RBFOX1: variants seen among roughly 807,000 people sequenced by gnomAD.
RBFOX1 encodes RNA binding fox-1 homolog 1.
A neutral mutation model predicts 57.7 loss-of-function variants in RBFOX1; 8 were observed. The observed-to-expected ratio is 0.14, with a 90% CI of 0.08 to 0.25. The LOEUF (loss-of-function observed/expected upper bound fraction) is 0.25, where lower values mean the gene tolerates loss of function less well. Among genes scored for constraint, RBFOX1 ranks in the 10% least tolerant of loss-of-function variants. The probability of loss-of-function intolerance (pLI) is 1.00; values close to 1 mark genes in which losing one functional copy is unlikely to be tolerated. For synonymous variants in RBFOX1, 326 were observed against 222.4 expected (o/e 1.47, Z -4.15); for missense variants, 611 against 548.5 (o/e 1.11, Z -1.14).
intron 3 of RBFOX1, among the ~76,000 whole-genome samples, chr16:6,667,791 A>C (rs1057344213): frequency 6.6e-6 from 1 of 152,198 alleles, no homozygotes; most frequent in East Asian, 1.9e-4. Flanking sequence ...CAAATGGCTT[A>C]AGGAGAAGGA....
intron 2 of RBFOX1, among the ~76,000 whole-genome samples, chr16:6,639,199 C>T (rs866707721): frequency 1.5e-4 from 23 of 152,324 alleles, no homozygotes; most frequent in South Asian, 2.1e-4. Context: ...AGCTGTGCTG[C>T]GCCTTCTTTA....
chr16:7,540,138 C>T (rs1301661035), intron 5 of RBFOX1, among the ~76,000 whole-genome samples: 1 of 152,224 alleles, frequency 6.6e-6, no homozygotes, highest in Non-Finnish European at 1.5e-5. Context: ...CCCGTCTCCT[C>T]CTTTCAAAGG....
At chr16:5,850,851 G>C (rs1392795791) in intron 3 of RBFOX1, among the ~76,000 whole-genome samples, 1 of 152,228 alleles carries the variant, frequency 6.6e-6, no homozygotes, top group African/African-American at 2.4e-5. Context: ...TGCAGGCAGG[G>C]AGACAGGCAG....
chr16:7,049,417 A>C (rs2049167528), intron 3 of RBFOX1, among the ~76,000 whole-genome samples: 1 of 152,048 alleles, frequency 6.6e-6, no homozygotes, highest in African/African-American at 2.4e-5. Flanking sequence ...TTGCCTGGAG[A>C]CTGCAGCATA....
chr16:6,079,401 T>G (rs753910214), intron 1 of RBFOX1, among the ~76,000 whole-genome samples: 4 of 152,218 alleles, frequency 2.6e-5, no homozygotes, highest in Non-Finnish European at 5.9e-5. Flanking sequence ...AGCCTTGACC[T>G]CCTGGCCTCA....
intron 4 of RBFOX1, among the ~76,000 whole-genome samples, chr16:6,007,454 C>G (rs950182686): frequency 1.3e-5 from 2 of 152,292 alleles, no homozygotes; most frequent in Admixed American, 1.3e-4. Flanking sequence ...TCAGTCAGGT[C>G]TTGAGATGAA....
At chr16:5,403,271 G>C (rs9929040) in intron 1 of RBFOX1, among the ~76,000 whole-genome samples, 52 of 150,152 alleles carry the variant, frequency 3.5e-4, no homozygotes, top group African/African-American at 1.2e-3. Context: ...AATCGCTTGA[G>C]CCTGGGAGGT....
downstream of RBFOX1, chr16:5,601,591 A>G (rs9934807): frequency 0.18 from 28,133 of 152,118 alleles, 2,914 homozygotes; most frequent in South Asian, 0.23. Flanking sequence ...GAGTTTGGCT[A>G]CCACACTCTT....
At chr16:6,156,172 A>G (rs572743044) in intron 1 of RBFOX1, among the ~76,000 whole-genome samples, 1 of 152,238 alleles carries the variant, frequency 6.6e-6, no homozygotes, top group Non-Finnish European at 1.5e-5. Context: ...GTGTCCCTTT[A>G]TGTTTTTCCT....
intron 3 of RBFOX1, among the ~76,000 whole-genome samples, chr16:5,799,332 G>C (rs746444294): frequency 1.3e-5 from 2 of 152,098 alleles, no homozygotes; most frequent in African/African-American, 2.4e-5. Flanking sequence ...TGAGATTTGG[G>C]TGGGGACATA....
chr16:6,463,636 G>C (rs1490724841), intron 2 of RBFOX1, among the ~76,000 whole-genome samples: 2 of 152,158 alleles, frequency 1.3e-5, no homozygotes, highest in Non-Finnish European at 2.9e-5. Context: ...ACTGAATTCA[G>C]AAGCTCAACC....
chr16:5,268,902 C>G (rs976077435), intron 1 of RBFOX1, among the ~76,000 whole-genome samples: 1 of 149,178 alleles, frequency 6.7e-6, no homozygotes, highest in South Asian at 2.1e-4. Context: ...CTAACCAACA[C>G]TTGTTATTTT....
intron 3 of RBFOX1, among the ~76,000 whole-genome samples, chr16:5,687,189 G>T (rs2050530745): frequency 6.6e-6 from 1 of 152,130 alleles, no homozygotes; most frequent in Non-Finnish European, 1.5e-5. Context: ...CAGTGGAATA[G>T]GGGGAGACAA....
At chr16:5,684,684 C>T (rs72765144) in intron 3 of RBFOX1, among the ~76,000 whole-genome samples, 6,365 of 152,264 alleles carry the variant, frequency 0.042, 173 homozygotes, top group South Asian at 0.087. Flanking sequence ...GCTTCTCCCT[C>T]AGCAGGGAGC....
chr16:7,272,092 C>T (rs376364078), intron 4 of RBFOX1, among the ~76,000 whole-genome samples: 3 of 152,122 alleles, frequency 2.0e-5, no homozygotes, highest in Non-Finnish European at 2.9e-5. Flanking sequence ...CCATTGTCGG[C>T]GTTTGTAAGA....
intron 3 of RBFOX1, among the ~76,000 whole-genome samples, chr16:6,966,277 T>A (rs1451683365): frequency 6.6e-6 from 1 of 152,106 alleles, no homozygotes; most frequent in Non-Finnish European, 1.5e-5. Context: ...TCCCGTTGAC[T>A]GGGCACTCCT....
intron 2 of RBFOX1, among the ~76,000 whole-genome samples, chr16:6,395,215 G>A (rs1465744246): frequency 6.6e-6 from 1 of 152,056 alleles, no homozygotes; most frequent in Non-Finnish European, 1.5e-5. Flanking sequence ...GATTTTTTTT[G>A]TCAAAGAAAA....
chr16:6,997,133 T>G (rs2092325544), intron 3 of RBFOX1, among the ~76,000 whole-genome samples: 1 of 152,172 alleles, frequency 6.6e-6, no homozygotes, highest in Non-Finnish European at 1.5e-5. Flanking sequence ...CTTACAACTC[T>G]CAATAGTTGT....
intron 1 of RBFOX1, among the ~76,000 whole-genome samples, chr16:6,098,661 T>C (rs1023193362): frequency 6.6e-6 from 1 of 152,242 alleles, no homozygotes; most frequent in Non-Finnish European, 1.5e-5. Context: ...TCAGAGTTTA[T>C]ACATTCATTT....
Sources: gnomAD v4.1 joint callset for allele counts (sites outside exome capture counted in the v4.1 genomes callset) on GRCh38, gnomAD v4.1.1 for gene constraint, MANE v1.5 for transcripts, NCBI Gene and HGNC (gene_info 2026-07-23, HGNC 2026-07-21) for gene names.